TMEM132E: variants seen among roughly 807,000 people sequenced by gnomAD.
The protein encoded by TMEM132E is transmembrane protein 132E.
Under a neutral mutation model 78.5 loss-of-function variants are expected in TMEM132E, and 49 were observed. The ratio of observed to expected loss-of-function variants is 0.62; its 90% CI spans 0.50 to 0.79. The LOEUF is 0.79. Ranked by LOEUF, TMEM132E falls within the 30% of genes least tolerant of loss-of-function variation. The pLI is 0.00. For synonymous variants in TMEM132E, 715 were observed against 670.6 expected (o/e 1.07, Z -1.02); for missense variants, 1,403 against 1,470.9 (o/e 0.95, Z 0.75).
intron 1 of TMEM132E, among the ~76,000 whole-genome samples, chr17:34,623,009 G>C (rs1907008665): frequency 6.6e-6 from 1 of 151,998 alleles, no homozygotes; most frequent in African/African-American, 2.4e-5. Flanking sequence ...GAAAAGAGAG[G>C]GGGAGAGAAA....
At chr17:34,592,947 A>G (rs888915054) in intron 1 of TMEM132E, among the ~76,000 whole-genome samples, 13 of 152,234 alleles carry the variant, frequency 8.5e-5, no homozygotes, top group African/African-American at 3.1e-4. Flanking sequence ...TGTCTTTGAA[A>G]TAGAGGTTGC....
chr17:34,621,594 G>A (rs1335330917), intron 1 of TMEM132E, among the ~76,000 whole-genome samples: 4 of 152,122 alleles, frequency 2.6e-5, no homozygotes, highest in South Asian at 2.1e-4. Flanking sequence ...CTCAGGAGAC[G>A]GCAGCAAGGG....
At chr17:34,609,094 CA>C (rs1451399387) in intron 1 of TMEM132E, among the ~76,000 whole-genome samples, 1 of 152,140 alleles carries the variant, frequency 6.6e-6, no homozygotes, top group Non-Finnish European at 1.5e-5. Flanking sequence ...GGTGGGATTT[CA>C]GAATTTTGTA....
At chr17:34,607,705 CCT>C (rs1051796772) in intron 1 of TMEM132E, among the ~76,000 whole-genome samples, 1 of 152,102 alleles carries the variant, frequency 6.6e-6, no homozygotes, top group African/African-American at 2.4e-5. Context: ...AGGACCCCTT[CCT>C]CAAGTTCAAT....
intron 1 of TMEM132E, among the ~76,000 whole-genome samples, chr17:34,589,520 G>C (rs760987153): frequency 6.6e-6 from 1 of 152,196 alleles, no homozygotes; most frequent in South Asian, 2.1e-4. Context: ...TTCAGGGGCA[G>C]GGATTACATG....
At chr17:34,585,811 G>A (rs1323120078) in intron 1 of TMEM132E, among the ~76,000 whole-genome samples, 1 of 152,206 alleles carries the variant, frequency 6.6e-6, no homozygotes, top group Non-Finnish European at 1.5e-5. Flanking sequence ...AGGGATTCCA[G>A]ACCTGACCTC....
intron 1 of TMEM132E, among the ~76,000 whole-genome samples, chr17:34,605,773 G>T (rs941885209): frequency 6.6e-6 from 1 of 152,316 alleles, no homozygotes; most frequent in Non-Finnish European, 1.5e-5. Context: ...GGGTTCAGCT[G>T]GTTGGACTCC....
chr17:34,581,257 C>G (rs1028920025), intron 1 of TMEM132E, 114 bp downstream of exon 1: 6 of 1,001,900 alleles, frequency 6.0e-6, no homozygotes, highest in Non-Finnish European at 8.1e-6. Context: ...GCCGCCACTC[C>G]GGGTTTGGCG....
intron 2 of TMEM132E, among the ~76,000 whole-genome samples, chr17:34,627,808 C>A (rs557048113): frequency 1.2e-4 from 18 of 152,252 alleles, no homozygotes; most frequent in Non-Finnish European, 2.4e-4. Flanking sequence ...CAGTGTCCTA[C>A]CTTCAAGTTT....
chr17:34,601,955 G>A (rs1906254537), intron 1 of TMEM132E, among the ~76,000 whole-genome samples: 1 of 152,238 alleles, frequency 6.6e-6, no homozygotes, highest in African/African-American at 2.4e-5. Context: ...GTTAGTGGGA[G>A]AGGGGGGACC....
At chr17:34,621,011 G>A (rs535214500) in intron 1 of TMEM132E, among the ~76,000 whole-genome samples, 36 of 152,338 alleles carry the variant, frequency 2.4e-4, no homozygotes, top group Middle Eastern at 3.4e-3. Flanking sequence ...GTCTGGCAGG[G>A]GTCGGGGAGG....
rs1489752978 is a variant in TMEM132E, at chr17:34,626,570, C to T, written c.511C>T (p.Arg171Trp). 4.5e-6 allele frequency: 7 copies of T among 1,571,788 alleles called. No homozygotes were observed. The highest frequency in any genetic ancestry group is 2.3e-5 in the East Asian group (1 of 44,386). Reference protein sequence around the residue: ...RLPCVRLHAFRDAREVKSSCR... With the variant: ...RLPCVRLHAFWDAREVKSSCR... ...GCCCTGTGTCCGCCTGCATGCCTTC[C>T]GGGATGCCCGGGAAGTCAAGAGCTC... is the stretch of plus-strand genomic sequence containing the variant. The change falls in exon 2 of 9, where the codon CGG (arginine) becomes TGG (tryptophan). Residue 171 changes from arginine (R) to tryptophan (W), a missense_variant. Coordinates refer to ENST00000631683, the MANE Select transcript of TMEM132E (RefSeq NM_001304438.2).
At chr17:34,605,333 G>C (rs567295603) in intron 1 of TMEM132E, among the ~76,000 whole-genome samples, 1 of 152,336 alleles carries the variant, frequency 6.6e-6, no homozygotes, top group African/African-American at 2.4e-5. Flanking sequence ...AAAGTGGTCA[G>C]GTGTACTCAG....
At chr17:34,598,119 C>G (rs1359667828) in intron 1 of TMEM132E, among the ~76,000 whole-genome samples, 2 of 152,066 alleles carry the variant, frequency 1.3e-5, no homozygotes, top group African/African-American at 4.8e-5. Context: ...AAAAGCAGAA[C>G]TACTGGTTGA....
chr17:34,590,820 C>T (rs1905844009), intron 1 of TMEM132E, among the ~76,000 whole-genome samples: 1 of 152,128 alleles, frequency 6.6e-6, no homozygotes, highest in African/African-American at 2.4e-5. Context: ...GTGACATCAT[C>T]AAAGCAGGGT....
intron 1 of TMEM132E, among the ~76,000 whole-genome samples, chr17:34,600,527 T>A (rs1452469138): frequency 1.3e-5 from 2 of 149,116 alleles, no homozygotes; most frequent in African/African-American, 5.2e-5. Flanking sequence ...CTTGGGAGTC[T>A]GCCCTGAGGT....
At chr17:34,630,594 C>A (rs1027607849) in intron 5 of TMEM132E, among the ~76,000 whole-genome samples, 3 of 152,118 alleles carry the variant, frequency 2.0e-5, no homozygotes, top group African/African-American at 7.2e-5. Context: ...GTGAGGGAGA[C>A]AACCCCTCAA....
At chr17:34,584,754 G>A (rs1022848108) in intron 1 of TMEM132E, among the ~76,000 whole-genome samples, 1 of 152,222 alleles carries the variant, frequency 6.6e-6, no homozygotes, top group Non-Finnish European at 1.5e-5. Flanking sequence ...AAGAGAGCAA[G>A]AGGATGGAGC....
chr17:34,632,083 C>A (rs2142084507), intron 5 of TMEM132E, among the ~76,000 whole-genome samples: 1 of 152,334 alleles, frequency 6.6e-6, no homozygotes, highest in East Asian at 1.9e-4. Flanking sequence ...CAGCCATTCA[C>A]CCGTCTGTGC....
Sources: allele counts gnomAD v4.1 joint callset (sites outside exome capture counted in the v4.1 genomes callset), GRCh38; gene constraint gnomAD v4.1.1; transcripts MANE v1.5; gene names NCBI Gene and HGNC (gene_info 2026-07-23, HGNC 2026-07-21).